KCNH5: variants seen among roughly 807,000 people sequenced by gnomAD.
KCNH5 encodes the protein voltage-gated delayed rectifier potassium channel KCNH5.
KCNH5 carries 46 observed loss-of-function variants against 96.1 expected under a neutral mutation model. The observed-to-expected ratio is 0.48, with a 90% confidence interval of 0.38 to 0.61. The LOEUF is 0.61. KCNH5 is among the 20% of genes least tolerant of loss of function. The pLI, the probability that KCNH5 is intolerant of heterozygous loss-of-function variation, is 0.00. For missense variants in KCNH5, 907 were observed against 1,225.8 expected (o/e 0.74, Z 3.88); for synonymous variants, 439 against 449.8 (o/e 0.98, Z 0.30).
chr14:62,867,431 T>C (rs948739592), intron 7 of KCNH5, among the ~76,000 whole-genome samples: 3 of 152,188 alleles, frequency 2.0e-5, no homozygotes, highest in Non-Finnish European at 4.4e-5. Flanking sequence ...TGGCTTCTTA[T>C]ACACTATGCA....
intron 7 of KCNH5, among the ~76,000 whole-genome samples, chr14:62,902,004 T>C (rs1036141568): frequency 1.3e-5 from 2 of 152,202 alleles, no homozygotes; most frequent in Non-Finnish European, 1.5e-5. Context: ...ATGTTTGTTG[T>C]CTGCTGTTAT....
intron 8 of KCNH5, among the ~76,000 whole-genome samples, chr14:62,822,114 G>C (rs547992920): frequency 6.6e-6 from 1 of 152,250 alleles, no homozygotes; most frequent in East Asian, 1.9e-4. Flanking sequence ...TGATGAAATT[G>C]ATGAAAGAAA....
intron 6 of KCNH5, among the ~76,000 whole-genome samples, chr14:62,953,918 C>T (rs1698637637): frequency 6.6e-6 from 1 of 152,078 alleles, no homozygotes; most frequent in African/African-American, 2.4e-5. Context: ...TAACCATGTC[C>T]CTCTCTAATA....
Position 62,918,497 on chromosome 14 carries a change from G to A in KCNH5, c.1369+31636C>T, listed in dbSNP as rs181828796. ...GTAAGATAAACGAAAGGCTTATATC[G>A]CTAATATGTTTTTTAAAAAGATCAT... On this transcript the variant is annotated intron_variant, in intron 7 of 10. Coordinates refer to ENST00000322893, the MANE Select transcript of KCNH5 (RefSeq NM_139318.5). 2.8e-3 allele frequency among the ~76,000 whole-genome samples: 426 copies of A among 152,124 alleles called. 2 individuals carry two copies. The highest frequency in any genetic ancestry group is 9.5e-3 in the African/African-American group (394 of 41,530).
intron 9 of KCNH5, among the ~76,000 whole-genome samples, chr14:62,801,281 T>C (rs1886653732): frequency 2.0e-5 from 3 of 151,972 alleles, no homozygotes; most frequent in Admixed American, 2.0e-4. Context: ...AATCCAATAG[T>C]TTAAAAATTG....
intron 5 of KCNH5, among the ~76,000 whole-genome samples, chr14:62,984,195 C>A (rs1179800657): frequency 6.6e-6 from 1 of 151,934 alleles, no homozygotes; most frequent in East Asian, 1.9e-4. Flanking sequence ...ATTTTTGTAC[C>A]AATACAGACA....
At chr14:62,884,118 T>A (rs1888546980) in intron 7 of KCNH5, among the ~76,000 whole-genome samples, 1 of 152,186 alleles carries the variant, frequency 6.6e-6, no homozygotes, top group African/African-American at 2.4e-5. Context: ...AGCTCTGTGT[T>A]AGAATTTAAA....
At chr14:62,750,077 T>C (rs116665530) in intron 10 of KCNH5, among the ~76,000 whole-genome samples, 1,757 of 152,226 alleles carry the variant, frequency 0.012, 30 homozygotes, top group African/African-American at 0.04. Flanking sequence ...ATATTTTACA[T>C]GGGGGCATCT....
intron 6 of KCNH5, among the ~76,000 whole-genome samples, chr14:62,955,980 C>A (rs917837440): frequency 2.0e-5 from 3 of 152,136 alleles, no homozygotes; most frequent in African/African-American, 7.2e-5. Flanking sequence ...CAACAACCAA[C>A]CACGCTGCAG....
rs1884517737 is a variant in KCNH5, at chr14:62,709,237, A to G, written c.2020-782T>C. Among the ~76,000 whole-genome samples the G allele has an allele frequency of 4.2e-5, 3 of 71,986 alleles. No homozygotes were observed. The South Asian group carries it at 9.7e-4, about 23-fold the overall frequency. The allele number at this position is 71,986 out of a possible 152,430, so 47.2% of individuals were successfully genotyped here. ...GACAGAACGAGACTCCTTCTCAAAAAAAAAAAAAAAAAAAAAAAAAAATTA... is the reference window on the plus strand; with the variant it reads ...GACAGAACGAGACTCCTTCTCAAAAGAAAAAAAAAAAAAAAAAAAAAATTA... On this transcript the variant is annotated intron_variant, in intron 10 of 10. Transcript: ENST00000322893.
chr14:62,967,895 T>A (rs1890333192), intron 6 of KCNH5, among the ~76,000 whole-genome samples: 1 of 152,198 alleles, frequency 6.6e-6, no homozygotes, highest in Non-Finnish European at 1.5e-5. Flanking sequence ...ATAGGAACAA[T>A]TTATCATGAA....
intron 7 of KCNH5, among the ~76,000 whole-genome samples, chr14:62,946,330 A>G (rs1282413854): frequency 9.2e-5 from 14 of 152,138 alleles, no homozygotes; most frequent in Admixed American, 9.2e-4. Context: ...CTTATGAAAA[A>G]TATAACTGTG....
At chr14:62,912,428 C>T (rs1488599151) in intron 7 of KCNH5, among the ~76,000 whole-genome samples, 15 of 149,702 alleles carry the variant, frequency 1.0e-4, no homozygotes, top group Middle Eastern at 3.2e-3. Context: ...TTTTTTTAGA[C>T]GGAGTTTCGC....
intron 7 of KCNH5, among the ~76,000 whole-genome samples, chr14:62,948,790 A>C (rs1212194008): frequency 0.012 from 1,809 of 146,808 alleles, 28 homozygotes; most frequent in African/African-American, 0.033. Context: ...ATCCAGCAGC[A>C]CATCAAAAAG....
chr14:62,975,805 A>T (rs1294933284), intron 6 of KCNH5, among the ~76,000 whole-genome samples: 2 of 152,176 alleles, frequency 1.3e-5, no homozygotes, highest in Non-Finnish European at 2.9e-5. Context: ...ATAGAAAATA[A>T]GATGTACTAA....
intron 6 of KCNH5, among the ~76,000 whole-genome samples, chr14:62,974,318 C>T (rs541020663): frequency 6.6e-6 from 1 of 152,088 alleles, no homozygotes; most frequent in Non-Finnish European, 1.5e-5. Flanking sequence ...TGCAGCTGCT[C>T]CATCTTTGAT....
chr14:63,034,600 T>A (rs558693844), intron 1 of KCNH5, among the ~76,000 whole-genome samples: 1 of 152,340 alleles, frequency 6.6e-6, no homozygotes, highest in African/African-American at 2.4e-5. Flanking sequence ...CTGTAGGAGT[T>A]TGAAATATGC....
In KCNH5 at chr14:62,861,272, A is replaced by ATTT. The variant is rs112072677; in HGVS notation, c.1370-11423_1370-11421dup. Among the ~76,000 whole-genome samples, 719 of 146,420 alleles carry ATTT rather than the reference A, an allele frequency of 4.9e-3. 2 individuals carry two copies. Among genetic ancestry groups the ATTT allele is most frequent in the African/African-American group, 0.017 (689 of 40,112 alleles). On this transcript the variant is annotated intron_variant, in intron 7 of 10. Transcript: ENST00000322893. ...TTTTATTTTCTATCTCTAAAAATTG[A>ATTT]TTTTTTTTTTTTTGAGACAGAGTCT... is the stretch of plus-strand genomic sequence containing the variant.
rs372185345 is a variant in KCNH5 at position 62,708,260 on chromosome 14, G to A, written c.2215C>T (p.Arg739Cys). 12 of 1,614,032 alleles carry A rather than the reference G, an allele frequency of 7.4e-6. No homozygotes were observed. Among genetic ancestry groups the A allele is most frequent in the African/African-American group, 4.0e-5 (3 of 74,916 alleles). Residue 739 changes from arginine to cysteine, a missense_variant, in exon 11 of 11, where the codon CGC (arginine) becomes TGC (cysteine). Physicochemically the swap from Arg to Cys is radical, Grantham distance 180. Coordinates refer to ENST00000322893, the MANE Select transcript of KCNH5 (RefSeq NM_139318.5). ...ATGGAGGCTCCATTCTGTAAGGAGC[G>A]GCTCTCTACCTGGAGTTGGTTCCTC... ...PERNQLQVESRSLQNGASITG... is the reference protein window; with the variant it reads ...PERNQLQVESCSLQNGASITG...
Sources: gnomAD v4.1 joint callset for allele counts (sites outside exome capture counted in the v4.1 genomes callset) on GRCh38, gnomAD v4.1.1 for gene constraint, MANE v1.5 for transcripts, NCBI Gene and HGNC (gene_info 2026-07-23, HGNC 2026-07-21) for gene names.